ROBO2: variants seen among roughly 807,000 people sequenced by gnomAD.
ROBO2 encodes roundabout homolog 2.
In ROBO2, 53 loss-of-function variants were observed where a neutral mutation model predicts 160.8. The observed-to-expected ratio is 0.33, with a 90% CI of 0.26 to 0.41. The LOEUF (loss-of-function observed/expected upper bound fraction) is 0.41, where lower values mean the gene tolerates loss of function less well. ROBO2 is among the 10% of genes least tolerant of loss of function. The pLI is 1.00. For missense variants in ROBO2, 1,577 were observed against 1,722.4 expected, an observed-to-expected ratio of 0.92 and a Z score of 1.49; for synonymous variants, 664 against 611.7, an observed-to-expected ratio of 1.09 and a Z score of -1.26.
At chr3:77,160,091 C>T (rs577865144) in intron 2 of ROBO2, among the ~76,000 whole-genome samples, 90 of 145,642 alleles carry the variant, frequency 6.2e-4, no homozygotes, top group African/African-American at 2.2e-3. Context: ...TATGTATGCC[C>T]CTGTTCACCA....
At chr3:76,754,049 T>A (rs1278476170) in intron 2 of ROBO2, among the ~76,000 whole-genome samples, 1 of 151,852 alleles carries the variant, frequency 6.6e-6, no homozygotes, top group East Asian at 1.9e-4. Context: ...TTGGTATAAA[T>A]ATAATAAAGG....
At chr3:76,235,557 G>A (rs1462503301) in intron 2 of ROBO2, among the ~76,000 whole-genome samples, 3 of 152,122 alleles carry the variant, frequency 2.0e-5, no homozygotes, top group Non-Finnish European at 4.4e-5. Flanking sequence ...GTAGTCCAGA[G>A]TAGTTCATTC....
intron 2 of ROBO2, among the ~76,000 whole-genome samples, chr3:76,096,983 ACT>A (rs1576841836): frequency 6.6e-6 from 1 of 152,022 alleles, no homozygotes; most frequent in African/African-American, 2.4e-5. Context: ...CTTTTGGCTA[ACT>A]CTCTAGTTCT....
At chr3:77,452,024 G>T (rs2081171052) in intron 2 of ROBO2, among the ~76,000 whole-genome samples, 1 of 151,890 alleles carries the variant, frequency 6.6e-6, no homozygotes, top group African/African-American at 2.4e-5. Context: ...GCGGTGTTTG[G>T]TTTTTTGTCC....
At chr3:76,396,626 C>T (rs907438248) in intron 2 of ROBO2, among the ~76,000 whole-genome samples, 3 of 152,142 alleles carry the variant, frequency 2.0e-5, no homozygotes, top group Non-Finnish European at 1.5e-5. Context: ...TCAGCAAAGT[C>T]TCAGGATAAA....
At chr3:77,403,943 A>G (rs72899143) in intron 2 of ROBO2, among the ~76,000 whole-genome samples, 21,131 of 151,932 alleles carry the variant, frequency 0.14, 1,788 homozygotes, top group African/African-American at 0.23. Context: ...CCAAATTGGC[A>G]CTAGGCTCGA....
At chr3:76,751,127 T>C (rs188117511) in intron 2 of ROBO2, among the ~76,000 whole-genome samples, 2,087 of 152,108 alleles carry the variant, frequency 0.014, 53 homozygotes, top group African/African-American at 0.048. Flanking sequence ...AACAGAGCCC[T>C]CAGAAATAAT....
intron 2 of ROBO2, among the ~76,000 whole-genome samples, chr3:76,629,381 A>T (rs2089882890): frequency 1.3e-5 from 2 of 152,180 alleles, no homozygotes; most frequent in South Asian, 4.1e-4. Context: ...TGATTCACAT[A>T]ATCACAAGAT....
intron 2 of ROBO2, among the ~76,000 whole-genome samples, chr3:77,271,850 C>G (rs936893920): frequency 6.6e-6 from 1 of 152,112 alleles, no homozygotes; most frequent in African/African-American, 2.4e-5. Flanking sequence ...ATGGTTAACC[C>G]CTTTTCATCT....
At chr3:77,523,815 A>T (rs539535019) in intron 6 of ROBO2, among the ~76,000 whole-genome samples, 2 of 151,440 alleles carry the variant, frequency 1.3e-5, no homozygotes, top group South Asian at 4.1e-4. Flanking sequence ...ATCCTTCGTG[A>T]TAAAGAGATT....
chr3:76,347,255 T>G (rs1170113125), intron 2 of ROBO2, among the ~76,000 whole-genome samples: 1 of 152,108 alleles, frequency 6.6e-6, no homozygotes, highest in Non-Finnish European at 1.5e-5. Flanking sequence ...ACCTGAGGAT[T>G]TATTAGTTAA....
At chr3:76,887,554 AC>A (rs1323738351) in intron 2 of ROBO2, among the ~76,000 whole-genome samples, 1 of 151,968 alleles carries the variant, frequency 6.6e-6, no homozygotes, top group Non-Finnish European at 1.5e-5. Context: ...GCTGGTCTTT[AC>A]CCACTGCCAT....
At position 76,888,657 on chromosome 3, in the gene ROBO2, G is replaced by A. The variant is rs368783588; in HGVS notation, c.110-209357G>A. On this transcript the variant is annotated intron_variant, in intron 2 of 26. Transcript: ENST00000487694. ...CTAGGTTGTGTTTACATATGACATC[G>A]TAGTCTTTACCATTGATGAATCACC... 3.4e-4 allele frequency among the ~76,000 whole-genome samples: 52 copies of A among 152,144 alleles called. No individual in the cohort carries two copies. The South Asian group carries it at 9.8e-3, about 29-fold the overall frequency.
intron 17 of ROBO2, 131 bp from the exon 19 acceptor site, chr3:77,595,011 T>C (rs1359108693): frequency 4.3e-6 from 3 of 701,048 alleles, no homozygotes; most frequent in African/African-American, 3.6e-5. Flanking sequence ...TGTACAATGA[T>C]GTTAATTATA....
Position 76,176,056 on chromosome 3 carries a change from A to G in ROBO2, c.109+238454A>G, listed in dbSNP as rs761827558. Among the ~76,000 whole-genome samples the G allele has an allele frequency of 2.0e-5, 3 of 152,058 alleles. No individual in the cohort carries two copies. The South Asian group carries it at 6.2e-4, about 32-fold the overall frequency. ...CATTATAAGTTGTCAAAAATGTTTT[A>G]TGGAAACAATAAAATCCATGTGTCC... On this transcript the variant is annotated intron_variant, in intron 2 of 26. Coordinates refer to the ROBO2 transcript ENST00000487694.
chr3:76,832,801 G>A (rs371501436), intron 2 of ROBO2, among the ~76,000 whole-genome samples: 17 of 152,206 alleles, frequency 1.1e-4, no homozygotes, highest in Non-Finnish European at 2.2e-4. Flanking sequence ...TGTTCAGGGC[G>A]GATGTTACAG....
chr3:76,282,131 T>C (rs369178135), intron 2 of ROBO2, among the ~76,000 whole-genome samples: 11 of 152,152 alleles, frequency 7.2e-5, no homozygotes, highest in African/African-American at 2.6e-4. Flanking sequence ...AAAGTAATTA[T>C]GACACATTGA....
At chr3:75,955,774 G>T (rs554486432) in intron 2 of ROBO2, among the ~76,000 whole-genome samples, 1 of 151,734 alleles carries the variant, frequency 6.6e-6, no homozygotes, top group South Asian at 2.1e-4. Context: ...AGATGTCGTG[G>T]TGTGGGAGAT....
intron 2 of ROBO2, among the ~76,000 whole-genome samples, chr3:77,002,101 A>G (rs2061362180): frequency 6.6e-6 from 1 of 152,072 alleles, no homozygotes; most frequent in Non-Finnish European, 1.5e-5. Flanking sequence ...TTTTAAAATA[A>G]ATTTAACCTT....
Sources: allele counts gnomAD v4.1 joint callset (sites outside exome capture counted in the v4.1 genomes callset), GRCh38; gene constraint gnomAD v4.1.1; transcripts MANE v1.5; gene names NCBI Gene and HGNC (gene_info 2026-07-23, HGNC 2026-07-21).